SNX18: variants seen among roughly 807,000 people sequenced by gnomAD.
SNX18 encodes sorting nexin-18.
A neutral mutation model predicts 48.7 loss-of-function variants in SNX18; 35 were observed. The observed-to-expected ratio is 0.72, with a 90% CI of 0.55 to 0.95. SNX18 has a LOEUF of 0.95. Ranked by LOEUF, SNX18 falls within the 40% of genes least tolerant of loss-of-function variation. SNX18 has a pLI of 0.00. For missense variants in SNX18, 824 were observed against 871.0 expected, an observed-to-expected ratio of 0.95 and a Z score of 0.68; for synonymous variants, 492 against 384.7, an observed-to-expected ratio of 1.28 and a Z score of -3.26.
At chr5:54,540,015 G>T (rs2111593868) in intron 1 of SNX18, among the ~76,000 whole-genome samples, 1 of 151,980 alleles carries the variant, frequency 6.6e-6, no homozygotes, top group Non-Finnish European at 1.5e-5. Context: ...GGGATTACAG[G>T]CGCCCACCAC....
chr5:54,573,812 G>A, the SNX18 span, among the ~76,000 whole-genome samples: 1 of 152,190 alleles, frequency 6.6e-6, no homozygotes, highest in Admixed American at 6.5e-5. Context: ...ATATTGTAGT[G>A]CATCTGGTAG....
At chr5:54,576,904 T>A in the SNX18 span, among the ~76,000 whole-genome samples, 1 of 152,098 alleles carries the variant, frequency 6.6e-6, no homozygotes, top group Admixed American at 6.6e-5. Context: ...CAGGTTCCAG[T>A]CATTCTCCTG....
the SNX18 span, among the ~76,000 whole-genome samples, chr5:54,582,143 T>C: frequency 6.6e-6 from 1 of 152,230 alleles, no homozygotes; most frequent in African/African-American, 2.4e-5. Flanking sequence ...ACTTCATGGG[T>C]AAAACTCTGT....
chr5:54,635,288 C>T, the SNX18 span, among the ~76,000 whole-genome samples: 1 of 151,566 alleles, frequency 6.6e-6, no homozygotes, highest in Admixed American at 6.6e-5. Flanking sequence ...GTTTTCCTTT[C>T]TTAGTCTTTA....
chr5:54,552,095 G>T, the SNX18 span, among the ~76,000 whole-genome samples: 1 of 152,194 alleles, frequency 6.6e-6, no homozygotes, highest in Non-Finnish European at 1.5e-5. Context: ...GCTTTGTTCC[G>T]CTGTGGGTGC....
At chr5:54,589,991 A>C in the SNX18 span, among the ~76,000 whole-genome samples, 18 of 152,102 alleles carry the variant, frequency 1.2e-4, no homozygotes, top group Non-Finnish European at 2.5e-4. Context: ...TGCATTTACT[A>C]TGTTGCTCAG....
the SNX18 span, among the ~76,000 whole-genome samples, chr5:54,628,996 C>T: frequency 2.6e-5 from 4 of 152,216 alleles, no homozygotes; most frequent in Non-Finnish European, 2.9e-5. Context: ...TCCCCTACAC[C>T]GGAAAGTCCT....
In SNX18 at chr5:54,518,747, T is replaced by C. The variant is rs757640321; in HGVS notation, c.795T>C (p.Tyr265=). 12 of 1,605,724 alleles carry C rather than the reference T, an allele frequency of 7.5e-6. No individual in the cohort carries two copies. The highest frequency in any genetic ancestry group is 1.7e-5 in the Admixed American group (1 of 58,792). Residue 265 remains tyrosine, a synonymous_variant, in exon 1 of 2, where the codon TAT becomes TAC. Transcript: ENST00000381410. ...AGCTGTGCGTGGTGCTGGGGCCCTA[T>C]GGCCCCGAGTGGCAGGAGAACCCCT... ...GDKLCVVLGP[Y]GPEWQENPYP...
chr5:54,592,131 C>T, the SNX18 span, among the ~76,000 whole-genome samples: 1 of 152,164 alleles, frequency 6.6e-6, no homozygotes, highest in Non-Finnish European at 1.5e-5. Context: ...GGGAAATGTG[C>T]CAGAGGGGAG....
chr5:54,558,381 C>T, the SNX18 span, among the ~76,000 whole-genome samples: 15 of 152,282 alleles, frequency 9.9e-5, no homozygotes, highest in South Asian at 3.1e-3. Context: ...TCCCTCTCTC[C>T]ATTCCATCAT....
the SNX18 span, among the ~76,000 whole-genome samples, chr5:54,582,032 TC>T: frequency 6.6e-6 from 1 of 152,164 alleles, no homozygotes; most frequent in African/African-American, 2.4e-5. Flanking sequence ...GCCACTGTGT[TC>T]AAGTTGTCCA....
chr5:54,618,361 T>C, the SNX18 span, among the ~76,000 whole-genome samples: 1 of 152,174 alleles, frequency 6.6e-6, no homozygotes, highest in East Asian at 1.9e-4. Flanking sequence ...TGGACCAATA[T>C]ACAGAGTTAG....
At chr5:54,554,169 A>G in the SNX18 span, among the ~76,000 whole-genome samples, 4 of 152,204 alleles carry the variant, frequency 2.6e-5, no homozygotes, top group Non-Finnish European at 4.4e-5. Context: ...TTTGTCTTCT[A>G]AACAAATATC....
the SNX18 span, among the ~76,000 whole-genome samples, chr5:54,623,431 T>A: frequency 6.6e-6 from 1 of 151,934 alleles, no homozygotes; most frequent in African/African-American, 2.4e-5. Context: ...AGCACTTCAG[T>A]GTGGGGACTG....
downstream of SNX18, among the ~76,000 whole-genome samples, chr5:54,550,794 A>G (rs936558904): frequency 1.3e-5 from 2 of 152,150 alleles, no homozygotes; most frequent in Non-Finnish European, 2.9e-5. Context: ...CATGTTGGCC[A>G]GGCTGGTCTC....
chr5:54,640,527 T>G, the SNX18 span, among the ~76,000 whole-genome samples: 2 of 152,020 alleles, frequency 1.3e-5, no homozygotes, highest in Non-Finnish European at 2.9e-5. Flanking sequence ...CCCGCCAGAG[T>G]AGGGTCTCAT....
intron 1 of SNX18, among the ~76,000 whole-genome samples, chr5:54,538,223 C>T (rs112741094): frequency 7.2e-5 from 11 of 152,326 alleles, no homozygotes; most frequent in African/African-American, 2.4e-4. Flanking sequence ...TACTATTTCA[C>T]TCACATCTAG....
chr5:54,623,371 C>T, the SNX18 span, among the ~76,000 whole-genome samples: 15 of 152,172 alleles, frequency 9.9e-5, no homozygotes, highest in East Asian at 1.9e-4. Context: ...AGCCTTTTCA[C>T]GAGTGTCTTC....
chr5:54,548,165 T>G (rs1023817113), downstream of SNX18, among the ~76,000 whole-genome samples: 1 of 152,172 alleles, frequency 6.6e-6, no homozygotes, highest in Admixed American at 6.5e-5. Flanking sequence ...TGTCAGAGCT[T>G]CTCAAACTGC....
Sources: allele counts gnomAD v4.1 joint callset (sites outside exome capture counted in the v4.1 genomes callset), GRCh38; gene constraint gnomAD v4.1.1; transcripts MANE v1.5; gene names NCBI Gene and HGNC (gene_info 2026-07-23, HGNC 2026-07-21).